KCNIP4: variants seen among roughly 807,000 people sequenced by gnomAD.
The protein encoded by KCNIP4 is potassium voltage-gated channel interacting protein 4.
KCNIP4 carries 12 observed loss-of-function variants against 34.0 expected under a neutral mutation model. The ratio of observed to expected loss-of-function variants is 0.35; its 90% CI spans 0.23 to 0.57. The LOEUF (loss-of-function observed/expected upper bound fraction) is 0.57, where lower values mean the gene tolerates loss of function less well. Ranked by LOEUF, KCNIP4 falls within the 20% of genes least tolerant of loss-of-function variation. The pLI, the probability that KCNIP4 is intolerant of heterozygous loss-of-function variation, is 0.83. For missense variants in KCNIP4, 238 were observed against 311.7 expected, an observed-to-expected ratio of 0.76 and a Z score of 1.78; for synonymous variants, 124 against 102.2, an observed-to-expected ratio of 1.21 and a Z score of -1.29.
At chr4:20,983,527 C>T (rs936905644) in intron 1 of KCNIP4, among the ~76,000 whole-genome samples, 2 of 152,106 alleles carry the variant, frequency 1.3e-5, no homozygotes, top group Non-Finnish European at 1.5e-5. Flanking sequence ...ATTATCACCC[C>T]ATAGGAGAGA....
chr4:21,165,934 C>T (rs971060774), intron 1 of KCNIP4, among the ~76,000 whole-genome samples: 2 of 152,140 alleles, frequency 1.3e-5, no homozygotes, highest in South Asian at 2.1e-4. Flanking sequence ...GTGAGTTTAC[C>T]TCTACTGTCC....
chr4:21,303,738 A>G, intron 1 of KCNIP4: 1 of 1,270,766 alleles, frequency 7.9e-7, no homozygotes, highest in East Asian at 2.3e-5. Flanking sequence ...GGTGCCTCTT[A>G]CATTCACCTA....
intron 1 of KCNIP4, among the ~76,000 whole-genome samples, chr4:21,377,118 C>T (rs1192367289): frequency 1.3e-5 from 2 of 152,136 alleles, no homozygotes; most frequent in African/African-American, 2.4e-5. Flanking sequence ...TTCTGTCTGA[C>T]ACCTTCACAG....
chr4:20,930,189 A>G (rs975231374), intron 1 of KCNIP4, among the ~76,000 whole-genome samples: 1 of 152,064 alleles, frequency 6.6e-6, no homozygotes, highest in East Asian at 1.9e-4. Context: ...ATGTGGACCA[A>G]CGGAACAGAA....
Position 20,729,466 on chromosome 4 carries a change from A to AAC in KCNIP4, c.*615_*616insGT, listed in dbSNP as rs773540263. 8,827 of 132,150 alleles carry AAC rather than the reference A, an allele frequency of 0.067. 301 individuals carry two copies. Among genetic ancestry groups the AAC allele is most frequent in the Admixed American group, 0.11 (1,421 of 13,460 alleles). 8.2% of individuals were successfully genotyped at this position (132,150 alleles called of 1,614,324 possible). On this transcript the variant is annotated 3_prime_UTR_variant, in exon 9 of 9. Transcript: ENST00000382152. ...ATTAGGCATATGCTGATATCTGATAATAAACTAATTTTTAAATGTTTAATA... is the reference window on the plus strand; with the variant it reads ...ATTAGGCATATGCTGATATCTGATAAACTAAACTAATTTTTAAATGTTTAATA...
intron 3 of KCNIP4, among the ~76,000 whole-genome samples, chr4:20,843,457 T>C (rs1052893440): frequency 2.0e-5 from 3 of 152,162 alleles, no homozygotes; most frequent in African/African-American, 7.2e-5. Context: ...AGGCCGGGCA[T>C]AGTGGCTCAT....
intron 1 of KCNIP4, among the ~76,000 whole-genome samples, chr4:21,513,471 C>T (rs1000388108): frequency 2.6e-5 from 4 of 152,200 alleles, no homozygotes; most frequent in Non-Finnish European, 5.9e-5. Context: ...TAGCATAATA[C>T]ACTATGCATC....
At chr4:21,450,676 A>G (rs1319992867) in intron 1 of KCNIP4, among the ~76,000 whole-genome samples, 1 of 152,158 alleles carries the variant, frequency 6.6e-6, no homozygotes, top group Non-Finnish European at 1.5e-5. Context: ...AGCACGCTAA[A>G]TTGGAAACCT....
At chr4:21,574,749 CAGAA>C (rs1740618366) in intron 1 of KCNIP4, among the ~76,000 whole-genome samples, 1 of 152,096 alleles carries the variant, frequency 6.6e-6, no homozygotes, top group South Asian at 2.1e-4. Context: ...AGAGTGAAAT[CAGAA>C]AGAAAGTATC....
At chr4:21,548,332 T>A (rs1738301350) in intron 1 of KCNIP4, among the ~76,000 whole-genome samples, 1 of 152,056 alleles carries the variant, frequency 6.6e-6, no homozygotes, top group African/African-American at 2.4e-5. Flanking sequence ...CCTTGCAGAT[T>A]ATATGAAGGT....
At chr4:21,223,987 T>C (rs1398982479) in intron 1 of KCNIP4, among the ~76,000 whole-genome samples, 2 of 152,124 alleles carry the variant, frequency 1.3e-5, no homozygotes, top group African/African-American at 4.8e-5. Flanking sequence ...GAATCTTCTC[T>C]AGTCAACCTC....
At chr4:21,560,609 A>C (rs938696904) in intron 1 of KCNIP4, among the ~76,000 whole-genome samples, 2 of 152,078 alleles carry the variant, frequency 1.3e-5, no homozygotes, top group Non-Finnish European at 1.5e-5. Context: ...AAAACTCAGC[A>C]TATATAGCTC....
intron 1 of KCNIP4, among the ~76,000 whole-genome samples, chr4:21,296,611 A>G (rs945097221): frequency 6.6e-6 from 1 of 151,790 alleles, no homozygotes; most frequent in African/African-American, 2.4e-5. Context: ...TGCTTATCCA[A>G]TGTCTACAGC....
intron 1 of KCNIP4, among the ~76,000 whole-genome samples, chr4:21,792,848 C>A (rs1174036917): frequency 6.6e-6 from 1 of 152,230 alleles, no homozygotes. Context: ...GAGAAGCATC[C>A]ATAGTTTCCT....
intron 1 of KCNIP4, among the ~76,000 whole-genome samples, chr4:21,146,169 C>T (rs187090719): frequency 3.9e-5 from 6 of 152,134 alleles, no homozygotes; most frequent in Non-Finnish European, 7.4e-5. Flanking sequence ...GAGGCTGAGG[C>T]GGGAGGATCA....
intron 1 of KCNIP4, among the ~76,000 whole-genome samples, chr4:21,377,288 C>T (rs546694638): frequency 6.6e-6 from 1 of 152,272 alleles, no homozygotes. Context: ...CAAATGGTCT[C>T]TCCTGCCACA....
At chr4:21,532,385 A>G (rs1560493802) in intron 1 of KCNIP4, among the ~76,000 whole-genome samples, 2 of 152,198 alleles carry the variant, frequency 1.3e-5, no homozygotes, top group Admixed American at 1.3e-4. Context: ...GTTCATGAAC[A>G]TACTTAATAA....
intron 3 of KCNIP4, among the ~76,000 whole-genome samples, chr4:20,768,979 A>C (rs1055180447): frequency 3.9e-5 from 6 of 151,938 alleles, no homozygotes; most frequent in Admixed American, 1.3e-4. Flanking sequence ...ACCCAGGATG[A>C]AGCAGAAATC....
intron 1 of KCNIP4, among the ~76,000 whole-genome samples, chr4:21,157,379 G>A (rs1339469004): frequency 1.3e-5 from 2 of 149,786 alleles, no homozygotes; most frequent in Admixed American, 1.3e-4. Context: ...CATAATAAAA[G>A]AAACCAATAT....
Sources: gnomAD v4.1 joint callset for allele counts (sites outside exome capture counted in the v4.1 genomes callset) on GRCh38, gnomAD v4.1.1 for gene constraint, MANE v1.5 for transcripts, NCBI Gene and HGNC (gene_info 2026-07-23, HGNC 2026-07-21) for gene names.